Variants in DNAJC10 observed in about 807,000 individuals in gnomAD.
DNAJC10 encodes the protein endoplasmic reticulum disulfide reductase DNAJC10.
A neutral mutation model predicts 115.0 loss-of-function variants in DNAJC10; 101 were observed. That is an observed-to-expected ratio of 0.88 (90% CI 0.75 to 1.04). The LOEUF is 1.04. Among genes scored for constraint, DNAJC10 ranks in the 50% least tolerant of loss-of-function variants. The probability of loss-of-function intolerance (pLI) is 0.00; values close to 1 mark genes in which losing one functional copy is unlikely to be tolerated. For synonymous variants in DNAJC10, 307 were observed against 301.5 expected, an observed-to-expected ratio of 1.02 and a Z score of -0.19; for missense variants, 981 against 928.8, an observed-to-expected ratio of 1.06 and a Z score of -0.73.
At chr2:182,751,623 A>C in intron 14 of DNAJC10, 35 bp from the exon 15 acceptor site, 1 of 1,601,388 alleles carries the variant, frequency 6.2e-7, no homozygotes. Context: ...AAAAAGCAGA[A>C]TTTGGATTTG....
At chr2:182,752,021 G>T (rs3115425) in intron 15 of DNAJC10, 51 bp from the exon 16 acceptor site, 7 of 1,392,992 alleles carry the variant, frequency 5.0e-6, no homozygotes, top group African/African-American at 4.3e-5. Flanking sequence ...ATGATGGGGG[G>T]GTTTTTTGTG....
intron 14 of DNAJC10, among the ~76,000 whole-genome samples, chr2:182,744,441 T>C (rs1311213983): frequency 6.6e-6 from 1 of 152,206 alleles, no homozygotes; most frequent in Non-Finnish European, 1.5e-5. Flanking sequence ...AAAAATACTT[T>C]AATGGTCATT....
chr2:182,794,315 C>T lies in DNAJC10; in HGVS notation c.*17183C>T, dbSNP rs1695104842. ...CAATAGATGAAGGATAGAAATAATC[C>T]ATTCAGATTCTCTCCTTTGCATGAT... is the stretch of plus-strand genomic sequence containing the variant. On this transcript the variant is annotated 3_prime_UTR_variant, in exon 24 of 24. Coordinates refer to ENST00000264065, the MANE Select transcript of DNAJC10 (RefSeq NM_018981.4). The T allele has an allele frequency of 6.6e-6, 1 of 152,110 alleles. No individual in the cohort carries two copies. The highest frequency in any genetic ancestry group is 1.5e-5 in the Non-Finnish European group (1 of 68,024). The allele number at this position is 152,110 out of a possible 1,614,324, so 9.4% of individuals were successfully genotyped here. A position where few individuals can be genotyped will look rare whatever the true frequency, so the allele number is the denominator to read the frequency against.
chr2:182,748,781 T>A (rs529097668), intron 14 of DNAJC10, among the ~76,000 whole-genome samples: 1 of 152,210 alleles, frequency 6.6e-6, no homozygotes, highest in Admixed American at 6.5e-5. Context: ...CTGCTTTCTC[T>A]TGTGGGCATT....
At chr2:182,763,506 G>A (rs1694337395) in intron 22 of DNAJC10, among the ~76,000 whole-genome samples, 1 of 152,012 alleles carries the variant, frequency 6.6e-6, no homozygotes, top group African/African-American at 2.4e-5. Flanking sequence ...ACATCCACTA[G>A]ATGGCTTGAG....
chr2:182,792,916 A>G lies in DNAJC10; in HGVS notation c.*15784A>G, dbSNP rs1213192653. The G allele has an allele frequency of 1.3e-5, 2 of 152,194 alleles. No individual in the cohort carries two copies. The highest frequency in any genetic ancestry group is 1.9e-4 in the East Asian group (1 of 5,194). 9.4% of individuals were successfully genotyped at this position (152,194 alleles called of 1,614,324 possible). A position where few individuals can be genotyped will look rare whatever the true frequency, so the allele number is the denominator to read the frequency against. The stretch of plus-strand genomic sequence containing the variant: ...GCAGTGGGGAGATAGACAATAAACA[A>G]TTAATATAAGCAAATGTTAAGTATG... On this transcript the variant is annotated 3_prime_UTR_variant, in exon 24 of 24. Coordinates refer to ENST00000264065, the MANE Select transcript of DNAJC10 (RefSeq NM_018981.4).
Position 182,736,900 on chromosome 2 carries a change from C to A in DNAJC10, c.987+514C>A, listed in dbSNP as rs371372311. ...GAGTACCTGGGATTACAGGCGCCTG[C>A]CATCATGCCTGGCTAATTTTTGTAC... On this transcript the variant is annotated intron_variant, in intron 11 of 23. Transcript: ENST00000264065. Among the ~76,000 whole-genome samples, 128 of 152,184 alleles carry A rather than the reference C, an allele frequency of 8.4e-4. 5 individuals are homozygous for A. The South Asian group carries it at 0.025, about 30-fold the overall frequency.
At chr2:182,774,762 C>T (rs1412599969) in intron 22 of DNAJC10, among the ~76,000 whole-genome samples, 1 of 152,224 alleles carries the variant, frequency 6.6e-6, no homozygotes, top group Non-Finnish European at 1.5e-5. Flanking sequence ...TCACGGTTTC[C>T]CTTGGCTAGG....
At position 182,788,659 on chromosome 2, in the gene DNAJC10, C is replaced by T; in HGVS notation, c.*11527C>T. The T allele has an allele frequency of 3.0e-6, 1 of 338,662 alleles. No individual in the cohort carries two copies. Among genetic ancestry groups the T allele is most frequent in the South Asian group, 2.4e-5 (1 of 40,864 alleles). 21.0% of individuals were successfully genotyped at this position (338,662 alleles called of 1,614,324 possible). ...TGGTCATATTTGTGTTCTTTTGTCCCAGAGAACAAAAGGAAGTGAGCTTAT... is the reference window on the plus strand; with the variant it reads ...TGGTCATATTTGTGTTCTTTTGTCCTAGAGAACAAAAGGAAGTGAGCTTAT... On this transcript the variant is annotated 3_prime_UTR_variant, in exon 24 of 24. Coordinates refer to ENST00000264065, the MANE Select transcript of DNAJC10 (RefSeq NM_018981.4).
At chr2:182,762,630 CA>C in intron 21 of DNAJC10, 51 bp from the exon 22 acceptor site, 1 of 1,595,224 alleles carries the variant, frequency 6.3e-7, no homozygotes, top group Non-Finnish European at 8.6e-7. Context: ...TTGTTGTTGC[CA>C]AAATAGTTTA....
Position 182,740,402 on chromosome 2 carries a change from T to G in DNAJC10, c.1077+14T>G. 6.4e-7 allele frequency: 1 copy of G among 1,551,206 alleles called. No individual in the cohort carries two copies. The highest frequency in any genetic ancestry group is 2.2e-5 in the Admixed American group (1 of 46,230). ...AACACACTAGAGGTAATGTTTTTAT[T>G]AATAATGATAAGTAGCAATGAATGT... On this transcript the variant is annotated intron_variant, in intron 12 of 23. Transcript: ENST00000264065.
rs1406907200 is a variant in DNAJC10 at position 182,792,892 on chromosome 2, C to T, written c.*15760C>T. On this transcript the variant is annotated 3_prime_UTR_variant, in exon 24 of 24. Coordinates refer to ENST00000264065, the MANE Select transcript of DNAJC10 (RefSeq NM_018981.4). ...TGACCTCATGAAGATTCTATTCTCG[C>T]AGTGGGGAGATAGACAATAAACAAT... 2.0e-5 allele frequency: 3 copies of T among 152,094 alleles called. No homozygotes were observed. The highest frequency in any genetic ancestry group is 7.2e-5 in the African/African-American group (3 of 41,416). The allele number at this position is 152,094 out of a possible 1,614,324, so 9.4% of individuals were successfully genotyped here.
chr2:182,781,758 T>C lies in DNAJC10; in HGVS notation c.*4626T>C, dbSNP rs1414662223. 2 of 152,244 alleles carry C rather than the reference T, an allele frequency of 1.3e-5. No individual in the cohort carries two copies. The highest frequency in any genetic ancestry group is 3.2e-3 in the Middle Eastern group (1 of 316). 9.4% of individuals were successfully genotyped at this position (152,244 alleles called of 1,614,324 possible). A position where few individuals can be genotyped will look rare whatever the true frequency, so the allele number is the denominator to read the frequency against. On this transcript the variant is annotated 3_prime_UTR_variant, in exon 24 of 24. Transcript: ENST00000264065. The stretch of plus-strand genomic sequence containing the variant: ...CATATCTTTGTTGGCCACCTAAATG[T>C]CTTCTTTTGAGAAGTGTCTGTTCAT...
chr2:182,719,192 ATTTTATGAAGCACAG>A (rs1558993930), intron 3 of DNAJC10, among the ~76,000 whole-genome samples: 1 of 151,152 alleles, frequency 6.6e-6, no homozygotes, highest in African/African-American at 2.4e-5. Context: ...TCAGAAACAA[ATTTTATGAAGCACAG>A]TAACAAGGAA....
chr2:182,766,645 G>A (rs1694420380), intron 22 of DNAJC10, among the ~76,000 whole-genome samples: 2 of 152,034 alleles, frequency 1.3e-5, no homozygotes, highest in African/African-American at 4.8e-5. Flanking sequence ...AAAAGACACG[G>A]CCAGAAAGGC....
intron 22 of DNAJC10, among the ~76,000 whole-genome samples, chr2:182,764,902 C>T (rs748003588): frequency 2.6e-5 from 4 of 152,094 alleles, no homozygotes; most frequent in Non-Finnish European, 5.9e-5. Context: ...ATTGGAGGGA[C>T]TCCTAAATCC....
chr2:182,749,612 T>C (rs1029400523), intron 14 of DNAJC10, among the ~76,000 whole-genome samples: 1 of 151,978 alleles, frequency 6.6e-6, no homozygotes, highest in Admixed American at 6.6e-5. Context: ...CTTTATCCAA[T>C]TTGCCAGTCT....
Position 182,785,493 on chromosome 2 carries a change from A to G in DNAJC10, c.*8361A>G, listed in dbSNP as rs1478827964. On this transcript the variant is annotated 3_prime_UTR_variant, in exon 24 of 24. Coordinates refer to ENST00000264065, the MANE Select transcript of DNAJC10 (RefSeq NM_018981.4). Reference sequence around the variant, plus strand: ...TTCATATCTGTATCCTAATTATCCTAATTAACTCGTTTGTTAAGTGGAAAA... The same window carrying G: ...TTCATATCTGTATCCTAATTATCCTGATTAACTCGTTTGTTAAGTGGAAAA... The G allele has an allele frequency of 1.3e-5, 2 of 152,236 alleles. No homozygotes were observed. Among genetic ancestry groups the G allele is most frequent in the East Asian group, 1.9e-4 (1 of 5,188 alleles). 9.4% of individuals were successfully genotyped at this position (152,236 alleles called of 1,614,324 possible).
Position 182,718,189 on chromosome 2 carries a change from G to A in DNAJC10, c.103G>A (p.Asp35Asn). 1.2e-6 allele frequency: 2 copies of A among 1,613,614 alleles called. No individual in the cohort carries two copies. Among genetic ancestry groups the A allele is most frequent in the South Asian group, 2.2e-5 (2 of 91,018 alleles). Residue 35 changes from aspartate to asparagine, a missense_variant, in exon 3 of 24, where the codon GAT becomes AAT. Physicochemically the swap from Asp to Asn is conservative, Grantham distance 23. Transcript: ENST00000264065. ...GGCCATTTTAGTGGGCACAGATCAG[G>A]ATTTTTACAGTTTACTTGGAGTGTC... ...YMAILVGTDQ[D>N]FYSLLGVSKT... is the part of the protein sequence containing the mutation.
Sources: gnomAD v4.1 joint callset for allele counts (sites outside exome capture counted in the v4.1 genomes callset) on GRCh38, gnomAD v4.1.1 for gene constraint, MANE v1.5 for transcripts, NCBI Gene and HGNC (gene_info 2026-07-23, HGNC 2026-07-21) for gene names.